The following CATSPERD variants were observed in gnomAD, a reference collection of about 807,000 sequenced individuals.
CATSPERD encodes the protein catsper channel auxiliary subunit delta, also known as cation channel sperm-associated auxiliary subunit delta.
Under a neutral mutation model 98.1 loss-of-function variants are expected in CATSPERD, and 86 were observed. The ratio of observed to expected loss-of-function variants is 0.88; its 90% confidence interval spans 0.74 to 1.05. The LOEUF (loss-of-function observed/expected upper bound fraction) is 1.05, where lower values mean the gene tolerates loss of function less well. Among genes scored for constraint, CATSPERD ranks in the 50% least tolerant of loss-of-function variants. CATSPERD has a pLI of 0.00. For missense variants in CATSPERD, 995 were observed against 1,005.7 expected (o/e 0.99, Z 0.14); for synonymous variants, 394 against 390.2 (o/e 1.01, Z -0.12).
chr19:5,746,943 C>A (rs1454765715), intron 9 of CATSPERD, among the ~76,000 whole-genome samples: 1 of 151,916 alleles, frequency 6.6e-6, no homozygotes, highest in Non-Finnish European at 1.5e-5. Context: ...TCCCTGGGCT[C>A]AAACGATCCT....
intron 12 of CATSPERD, among the ~76,000 whole-genome samples, 180 bp from the exon 13 acceptor site, chr19:5,753,952 G>GT (rs2056274050): frequency 1.3e-5 from 2 of 152,196 alleles, no homozygotes; most frequent in African/African-American, 4.8e-5. Context: ...GGAGGGAGGG[G>GT]CTGGCATTGT....
intron 18 of CATSPERD, among the ~76,000 whole-genome samples, chr19:5,769,161 A>AG (rs2056599901): frequency 6.7e-6 from 1 of 149,178 alleles, no homozygotes; most frequent in Non-Finnish European, 1.5e-5. Context: ...CTCAAAAAAA[A>AG]AAGAGAGAGA....
At chr19:5,736,443 G>A (rs1168079235) in intron 5 of CATSPERD, among the ~76,000 whole-genome samples, 5 of 152,154 alleles carry the variant, frequency 3.3e-5, no homozygotes, top group African/African-American at 9.6e-5. Flanking sequence ...CAGGCTGGGC[G>A]CGGTGGCTCA....
intron 3 of CATSPERD, among the ~76,000 whole-genome samples, chr19:5,728,882 A>T (rs1478687596): frequency 2.0e-5 from 3 of 150,522 alleles, no homozygotes; most frequent in African/African-American, 7.3e-5. Flanking sequence ...TATTTTTAGT[A>T]AAGACAGAGT....
chr19:5,728,399 AAG>A (rs2055651090), intron 3 of CATSPERD, among the ~76,000 whole-genome samples: 1 of 147,162 alleles, frequency 6.8e-6, no homozygotes, highest in Non-Finnish European at 1.5e-5. Context: ...AAGAAAGAAA[AAG>A]AAAATTAGCT....
chr19:5,777,424 T>C (rs1418796048), intron 21 of CATSPERD, among the ~76,000 whole-genome samples: 1 of 152,152 alleles, frequency 6.6e-6, no homozygotes, highest in African/African-American at 2.4e-5. Context: ...GAACCTTTCC[T>C]GCCCTGACCT....
At chr19:5,776,449 G>C (rs2056744448) in intron 21 of CATSPERD, 134 bp downstream of exon 21, 2 of 944,280 alleles carry the variant, frequency 2.1e-6, no homozygotes, top group East Asian at 5.2e-5. Context: ...CAGGACAAGT[G>C]ATGTTTTAAG....
At chr19:5,754,393 C>CTT (rs749080620) in intron 13 of CATSPERD, 148 bp downstream of exon 13, 79,794 of 226,000 alleles carry the variant, frequency 0.35, 15,374 homozygotes, top group Non-Finnish European at 0.42. Flanking sequence ...GTCTCTGTGT[C>CTT]TTTTTTTTTT....
At chr19:5,729,231 G>A (rs1423997580) in intron 3 of CATSPERD, among the ~76,000 whole-genome samples, 6 of 152,126 alleles carry the variant, frequency 3.9e-5, no homozygotes, top group East Asian at 3.9e-4. Context: ...AAGTAGCTGG[G>A]ATTACAGGTG....
At chr19:5,752,154 C>T (rs574121120) in intron 12 of CATSPERD, among the ~76,000 whole-genome samples, 8 of 151,942 alleles carry the variant, frequency 5.3e-5, no homozygotes, top group South Asian at 2.1e-4. Context: ...ACTAAAAATA[C>T]GAAAATTAGC....
intron 11 of CATSPERD, among the ~76,000 whole-genome samples, chr19:5,750,244 C>A (rs576402575): frequency 3.1e-4 from 47 of 149,842 alleles, no homozygotes; most frequent in Non-Finnish European, 4.5e-4. Context: ...TTCAGGAGAT[C>A]GTGACCATCC....
At chr19:5,727,205 A>G in intron 2 of CATSPERD, 63 bp from the exon 3 acceptor site, 4 of 1,355,376 alleles carry the variant, frequency 3.0e-6, no homozygotes, top group Non-Finnish European at 4.2e-6. Flanking sequence ...CAAAAAAAAA[A>G]ATTATTTCTA....
rs577469523 is a variant in CATSPERD, at chr19:5,754,723, G to C, written c.1278+478G>C. On this transcript the variant is annotated intron_variant, in intron 13 of 21. Coordinates refer to ENST00000381624, the MANE Select transcript of CATSPERD (RefSeq NM_152784.4). Reference sequence around the variant, plus strand: ...ATTTCTATGTGTCTTCCCCCTCGACGTGCCTCTGCATGTCTGGGCGTGATG... The same window carrying C: ...ATTTCTATGTGTCTTCCCCCTCGACCTGCCTCTGCATGTCTGGGCGTGATG... Among the ~76,000 whole-genome samples, 9 of 151,970 alleles carry C rather than the reference G, an allele frequency of 5.9e-5. No homozygotes were observed. The East Asian group carries it at 1.6e-3, about 26-fold the overall frequency.
At chr19:5,777,502 C>G (rs545011842) in intron 21 of CATSPERD, among the ~76,000 whole-genome samples, 1 of 152,338 alleles carries the variant, frequency 6.6e-6, no homozygotes, top group Admixed American at 6.5e-5. Context: ...CCCTTCCGCC[C>G]TCTCTAGCCA....
intron 15 of CATSPERD, among the ~76,000 whole-genome samples, 176 bp from the exon 16 acceptor site, chr19:5,763,039 A>T (rs1300325651): frequency 4.4e-5 from 6 of 137,124 alleles, no homozygotes; most frequent in East Asian, 2.5e-4. Context: ...GAGAGATGGA[A>T]GGGTGGATGG....
chr19:5,762,882 T>C (rs1339385329), intron 15 of CATSPERD, among the ~76,000 whole-genome samples: 1 of 149,056 alleles, frequency 6.7e-6, no homozygotes, highest in Admixed American at 6.7e-5. Context: ...AATGGATGGA[T>C]AAATGGGTAG....
At chr19:5,773,612 C>T (rs2056689349) in intron 20 of CATSPERD, among the ~76,000 whole-genome samples, 1 of 151,880 alleles carries the variant, frequency 6.6e-6, no homozygotes, top group South Asian at 2.1e-4. Context: ...AAGACTCAAG[C>T]CTCAAGTGAT....
chr19:5,731,240 G>A (rs1047757110), intron 4 of CATSPERD, among the ~76,000 whole-genome samples: 4 of 152,250 alleles, frequency 2.6e-5, no homozygotes, highest in African/African-American at 9.6e-5. Flanking sequence ...AGCACTTTAA[G>A]AGGCTGAGGT....
chr19:5,750,808 T>G (rs1172708426), intron 11 of CATSPERD, among the ~76,000 whole-genome samples: 1 of 152,222 alleles, frequency 6.6e-6, no homozygotes, highest in Non-Finnish European at 1.5e-5. Flanking sequence ...GTTGTCCTTA[T>G]GACTGTGTTT....
Sources: gnomAD v4.1 joint callset for allele counts (sites outside exome capture counted in the v4.1 genomes callset) on GRCh38, gnomAD v4.1.1 for gene constraint, MANE v1.5 for transcripts, NCBI Gene and HGNC (gene_info 2026-07-23, HGNC 2026-07-21) for gene names.